Variants in ERCC6 observed in about 807,000 individuals in gnomAD.
The protein encoded by ERCC6 is DNA excision repair protein ERCC-6.
A neutral mutation model predicts 158.7 loss-of-function variants in ERCC6; 116 were observed. The ratio of observed to expected loss-of-function variants is 0.73; its 90% CI spans 0.63 to 0.85. ERCC6 has a LOEUF of 0.85. Among genes scored for constraint, ERCC6 ranks in the 40% least tolerant of loss-of-function variants. The pLI is 0.00. For synonymous variants in ERCC6, 678 were observed against 659.3 expected (o/e 1.03, Z -0.43); for missense variants, 1,698 against 1,799.4 (o/e 0.94, Z 1.02).
chr10:49,526,716 T>G (rs960597273), intron 4 of ERCC6, among the ~76,000 whole-genome samples: 7 of 152,218 alleles, frequency 4.6e-5, no homozygotes, highest in African/African-American at 1.7e-4. Flanking sequence ...CGGAGATGAA[T>G]TTCAACTAAT....
intron 4 of ERCC6, chr10:49,525,375 G>A (rs182676622): frequency 1.2e-5 from 2 of 160,660 alleles, no homozygotes; most frequent in East Asian, 1.8e-4. Flanking sequence ...AGAGCTACAC[G>A]TGACTAATGG....
chr10:49,446,443 G>A, the ERCC6 span, among the ~76,000 whole-genome samples: 1 of 151,970 alleles, frequency 6.6e-6, no homozygotes, highest in Non-Finnish European at 1.5e-5. Context: ...TTAGAGGGGA[G>A]GAAGAAACAA....
chr10:49,460,949 G>A (rs1165431550), intron 19 of ERCC6, among the ~76,000 whole-genome samples: 1 of 151,926 alleles, frequency 6.6e-6, no homozygotes, highest in African/African-American at 2.4e-5. Flanking sequence ...TCAGTATCTT[G>A]TTCAAAAGAT....
At chr10:49,477,707 G>T (rs949907062) in intron 11 of ERCC6, among the ~76,000 whole-genome samples, 3 of 152,010 alleles carry the variant, frequency 2.0e-5, no homozygotes, top group African/African-American at 7.3e-5. Flanking sequence ...GACCACACTG[G>T]CCTCCCTGCT....
downstream of ERCC6, among the ~76,000 whole-genome samples, chr10:49,452,235 C>T (rs114932583): frequency 2.7e-3 from 417 of 151,968 alleles, 1 homozygote; most frequent in African/African-American, 9.8e-3. Context: ...GGCATTTACA[C>T]CTATAAATTT....
the ERCC6 span, among the ~76,000 whole-genome samples, chr10:49,445,390 A>G: frequency 7.2e-5 from 11 of 152,244 alleles, no homozygotes; most frequent in Non-Finnish European, 1.3e-4. Flanking sequence ...AGAGGCAATC[A>G]TGTCGTTATT....
At chr10:49,498,240 T>C (rs1851298982) in intron 7 of ERCC6, among the ~76,000 whole-genome samples, 1 of 152,212 alleles carries the variant, frequency 6.6e-6, no homozygotes, top group South Asian at 2.1e-4. Context: ...CTGTTCCCAT[T>C]TCAATGTTCA....
At chr10:49,492,672 G>A (rs575317982) in intron 8 of ERCC6, among the ~76,000 whole-genome samples, 1 of 152,302 alleles carries the variant, frequency 6.6e-6, no homozygotes, top group African/African-American at 2.4e-5. Context: ...AACAATACTT[G>A]CGAAATTCTC....
At chr10:49,461,210 C>G in intron 19 of ERCC6, 142 bp downstream of exon 19, 1 of 866,880 alleles carries the variant, frequency 1.2e-6, no homozygotes, top group Non-Finnish European at 1.9e-6. Context: ...TCCAAGTCAC[C>G]CAGATTTTGC....
At chr10:49,523,847 G>A (rs1837237345) in intron 5 of ERCC6, among the ~76,000 whole-genome samples, 186 bp downstream of exon 5, 1 of 151,690 alleles carries the variant, frequency 6.6e-6, no homozygotes, top group African/African-American at 2.4e-5. Context: ...ATGCATTTGG[G>A]GCCAGCATCA....
Position 49,470,505 on chromosome 10 carries a change from C to A in ERCC6, c.3455G>T (p.Gly1152Val), listed in dbSNP as rs778394934. 19 of 1,614,054 alleles carry A rather than the reference C, an allele frequency of 1.2e-5. No individual in the cohort carries two copies. The highest frequency in any genetic ancestry group is 1.4e-5 in the Non-Finnish European group (17 of 1,180,036). ...GGGTCTTTCTCTTTTGTAAGAAAGACCTAACTTTTCATCAATGCTTTCATC... is the reference window on the plus strand; with the variant it reads ...GGGTCTTTCTCTTTTGTAAGAAAGAACTAACTTTTCATCAATGCTTTCATC... ...SGDESIDEKL[G>V]LSYKRERPSQ... is the part of the protein sequence containing the mutation. The change falls in exon 18 of 21, where the codon GGT becomes GTT. Residue 1152 changes from glycine (G) to valine (V), a missense_variant. Gly to Val is a moderately radical substitution (Grantham distance 109, BLOSUM62 -3). Coordinates refer to ENST00000355832, the MANE Select transcript of ERCC6 (RefSeq NM_000124.4).
intron 8 of ERCC6, among the ~76,000 whole-genome samples, chr10:49,484,258 G>A (rs1212780291): frequency 1.4e-5 from 2 of 147,492 alleles, no homozygotes; most frequent in South Asian, 2.2e-4. Context: ...TCCAGCCTGG[G>A]TGACAGTCAG....
In ERCC6 at chr10:49,470,424, T is replaced by C. The variant is rs536757172; in HGVS notation, c.3536A>G (p.Tyr1179Cys). ...ATGTTTTGTTTTTGACTTGTGCTTA[T>C]AAAAATTATTTTCCATTTGTTTATT... ...WENKQMENNF[Y>C]KHKSKTKHHS... The change falls in exon 18 of 21, where the codon TAT becomes TGT. Residue 1179 changes from tyrosine to cysteine, a missense_variant. By Grantham distance (194) the Tyr-to-Cys change is radical. Coordinates refer to ENST00000355832, the MANE Select transcript of ERCC6 (RefSeq NM_000124.4). 14 of 1,614,108 alleles carry C rather than the reference T, an allele frequency of 8.7e-6. No individual in the cohort carries two copies. The highest frequency in any genetic ancestry group is 1.6e-4 in the Middle Eastern group (1 of 6,062).
At chr10:49,449,621 C>T (rs1215470346), downstream of ERCC6, among the ~76,000 whole-genome samples, 8 of 120,480 alleles carry the variant, frequency 6.6e-5, no homozygotes, top group African/African-American at 1.3e-4. Flanking sequence ...CAGGCTGGAA[C>T]GCAGTGGCAC....
At chr10:49,500,332 T>C (rs1210624126) in intron 7 of ERCC6, among the ~76,000 whole-genome samples, 1 of 152,200 alleles carries the variant, frequency 6.6e-6, no homozygotes, top group Non-Finnish European at 1.5e-5. Flanking sequence ...CTGGAATTCA[T>C]TAAAAGTGTT....
At chr10:49,515,779 G>A (rs11101143) in intron 5 of ERCC6, 2 of 1,614,018 alleles carry the variant, frequency 1.2e-6, no homozygotes, top group Non-Finnish European at 1.7e-6. Flanking sequence ...TGCTGAACTT[G>A]TATCTTCTTT....
At chr10:49,459,354 G>T in intron 20 of ERCC6, 120 bp from the exon 21 acceptor site, 2 of 1,033,646 alleles carry the variant, frequency 1.9e-6, no homozygotes, top group East Asian at 2.4e-5. Context: ...GAGGTTGACA[G>T]GGTGAGACTG....
At chr10:49,478,672 T>C (rs1327305793) in intron 10 of ERCC6, among the ~76,000 whole-genome samples, 1 of 152,164 alleles carries the variant, frequency 6.6e-6, no homozygotes, top group Non-Finnish European at 1.5e-5. Context: ...TTTCATAATA[T>C]TATCAGTTAA....
At chr10:49,530,870 C>T (rs765667650) in intron 2 of ERCC6, 30 bp from the exon 3 acceptor site, 2 of 1,609,572 alleles carry the variant, frequency 1.2e-6, no homozygotes, top group South Asian at 2.2e-5. Context: ...GTCTATTTTG[C>T]ACTCTGATAA....
Sources: allele counts gnomAD v4.1 joint callset (sites outside exome capture counted in the v4.1 genomes callset), GRCh38; gene constraint gnomAD v4.1.1; transcripts MANE v1.5; gene names NCBI Gene and HGNC (gene_info 2026-07-23, HGNC 2026-07-21).